The following INPP4B variants were observed in gnomAD, a reference collection of about 807,000 sequenced individuals.
The protein encoded by INPP4B is inositol polyphosphate-4-phosphatase type II B.
In INPP4B, 55 loss-of-function variants were observed where a neutral mutation model predicts 122.5. That is an observed-to-expected ratio of 0.45 (90% CI 0.36 to 0.56). The LOEUF (loss-of-function observed/expected upper bound fraction) is 0.56, where lower values mean the gene tolerates loss of function less well. Among genes scored for constraint, INPP4B ranks in the 20% least tolerant of loss-of-function variants. The probability of loss-of-function intolerance (pLI) is 0.00; values close to 1 mark genes in which losing one functional copy is unlikely to be tolerated. For missense variants in INPP4B, 1,000 were observed against 1,097.7 expected, an observed-to-expected ratio of 0.91 and a Z score of 1.26; for synonymous variants, 403 against 388.7, an observed-to-expected ratio of 1.04 and a Z score of -0.43.
At chr4:142,751,203 G>A (rs781668878) in intron 1 of INPP4B, among the ~76,000 whole-genome samples, 2 of 147,296 alleles carry the variant, frequency 1.4e-5, no homozygotes, top group Non-Finnish European at 3.0e-5. Flanking sequence ...TCTAAGAATA[G>A]TATAAATGAA....
intron 7 of INPP4B, among the ~76,000 whole-genome samples, chr4:142,335,104 A>T (rs146491279): frequency 2.7e-5 from 4 of 145,998 alleles, no homozygotes; most frequent in African/African-American, 1.0e-4. Context: ...TTCCTGGGAA[A>T]AATGAAAAAA....
At chr4:142,133,672 C>T (rs2152799586) in intron 18 of INPP4B, among the ~76,000 whole-genome samples, 1 of 152,318 alleles carries the variant, frequency 6.6e-6, no homozygotes, top group South Asian at 2.1e-4. Flanking sequence ...TGTTTAATGT[C>T]ACCTTCTACT....
intron 2 of INPP4B, among the ~76,000 whole-genome samples, chr4:142,627,421 C>T (rs10014769): frequency 0.1 from 14,887 of 143,446 alleles, 793 homozygotes; most frequent in South Asian, 0.14. Flanking sequence ...TTTTGAGATA[C>T]GTCCCATCAA....
chr4:142,382,564 T>TTTATATA (rs1002638721), intron 7 of INPP4B, among the ~76,000 whole-genome samples: 1 of 111,770 alleles, frequency 8.9e-6, no homozygotes, highest in Admixed American at 8.2e-5. Context: ...TACATTTATG[T>TTTATATA]TTATATATTA....
At chr4:142,153,376 T>C (rs1011116057) in intron 17 of INPP4B, among the ~76,000 whole-genome samples, 4 of 152,176 alleles carry the variant, frequency 2.6e-5, no homozygotes, top group African/African-American at 9.6e-5. Context: ...GTTAAAAAAC[T>C]TTCTGTTTGG....
chr4:142,287,631 G>A (rs1754397024), intron 9 of INPP4B: 1 of 152,060 alleles, frequency 6.6e-6, no homozygotes, highest in South Asian at 2.1e-4. Context: ...CCCATCCTGT[G>A]GAACAGAAAC....
intron 15 of INPP4B, among the ~76,000 whole-genome samples, chr4:142,188,874 A>G (rs1419649321): frequency 1.3e-5 from 2 of 152,192 alleles, no homozygotes; most frequent in Non-Finnish European, 1.5e-5. Flanking sequence ...ATGTGAATTT[A>G]TGTTTTGCAT....
chr4:142,459,371 T>C (rs144718424), intron 3 of INPP4B, among the ~76,000 whole-genome samples: 41 of 151,376 alleles, frequency 2.7e-4, no homozygotes, highest in African/African-American at 8.0e-4. Context: ...ATTATTTTTA[T>C]AAGAATTTAA....
intron 14 of INPP4B, among the ~76,000 whole-genome samples, chr4:142,198,794 G>T (rs1839483711): frequency 6.6e-6 from 1 of 151,986 alleles, no homozygotes; most frequent in Admixed American, 6.6e-5. Flanking sequence ...TCAGAATATA[G>T]AAAGTAAATG....
intron 23 of INPP4B, among the ~76,000 whole-genome samples, chr4:142,096,365 C>G (rs1379804113): frequency 6.6e-6 from 1 of 152,122 alleles, no homozygotes; most frequent in Non-Finnish European, 1.5e-5. Flanking sequence ...ATGAAGACCA[C>G]CAAATAACAC....
chr4:142,417,369 G>C (rs924784007), intron 5 of INPP4B, among the ~76,000 whole-genome samples: 7 of 152,126 alleles, frequency 4.6e-5, no homozygotes, highest in Admixed American at 4.6e-4. Context: ...GAGGGCCATA[G>C]ATTCAGTCCT....
At chr4:142,268,340 A>AAAAAAAAAAAC in intron 10 of INPP4B, among the ~76,000 whole-genome samples, 1 of 143,398 alleles carries the variant, frequency 7.0e-6, no homozygotes, top group Non-Finnish European at 1.5e-5. Context: ...AAAAAAAAAA[A>AAAAAAAAAAAC]AAAAAATGAG....
chr4:142,471,917 C>A (rs1002444683), intron 2 of INPP4B, among the ~76,000 whole-genome samples: 3 of 152,026 alleles, frequency 2.0e-5, no homozygotes, highest in Non-Finnish European at 4.4e-5. Context: ...TATTTTATGA[C>A]TGCATTGGTA....
chr4:142,364,079 C>G (rs1026959856), intron 7 of INPP4B, among the ~76,000 whole-genome samples: 13 of 152,034 alleles, frequency 8.6e-5, no homozygotes, highest in African/African-American at 2.4e-4. Flanking sequence ...ATTTTCCTTT[C>G]TAACATCTCT....
intron 2 of INPP4B, among the ~76,000 whole-genome samples, chr4:142,684,256 T>C (rs1560958240): frequency 2.0e-5 from 3 of 152,044 alleles, no homozygotes; most frequent in African/African-American, 2.4e-5. Context: ...TATGAAACGA[T>C]ACAAAATGAG....
chr4:142,102,444 T>G (rs1169579214), intron 23 of INPP4B, among the ~76,000 whole-genome samples: 2 of 147,816 alleles, frequency 1.4e-5, no homozygotes, highest in Non-Finnish European at 3.0e-5. Flanking sequence ...GTTGGCAAGG[T>G]GGATGTGAAC....
At chr4:142,611,282 A>G (rs1016060354) in intron 2 of INPP4B, among the ~76,000 whole-genome samples, 5 of 152,210 alleles carry the variant, frequency 3.3e-5, no homozygotes, top group Non-Finnish European at 7.4e-5. Context: ...ATCTACACCC[A>G]TAATCCAATC....
chr4:142,456,747 G>A lies in INPP4B; in HGVS notation c.-127+5916C>T, dbSNP rs990961560. Among the ~76,000 whole-genome samples, 5 of 152,076 alleles carry A rather than the reference G, an allele frequency of 3.3e-5. No individual in the cohort carries two copies. The South Asian group carries it at 8.3e-4, about 25-fold the overall frequency. ...TCATGGATTAGAAGACTCATTATTG[G>A]TAAAAGGTCAACTTTGTCCAAACTG... On this transcript the variant is annotated intron_variant, in intron 3 of 25. Transcript: ENST00000262992.
intron 9 of INPP4B, among the ~76,000 whole-genome samples, chr4:142,273,181 T>C (rs1746698876): frequency 6.6e-6 from 1 of 151,992 alleles, no homozygotes; most frequent in African/African-American, 2.4e-5. Flanking sequence ...GGGAGATAAT[T>C]AATGTAAAGT....
Sources: allele counts gnomAD v4.1 joint callset (sites outside exome capture counted in the v4.1 genomes callset), GRCh38; gene constraint gnomAD v4.1.1; transcripts MANE v1.5; gene names NCBI Gene and HGNC (gene_info 2026-07-23, HGNC 2026-07-21).